GRIN2A: variants seen among roughly 807,000 people sequenced by gnomAD.
GRIN2A encodes glutamate receptor ionotropic, NMDA 2A.
GRIN2A carries 22 observed loss-of-function variants against 113.4 expected under a neutral mutation model. The observed-to-expected ratio is 0.19, with a 90% CI of 0.14 to 0.28. The LOEUF (loss-of-function observed/expected upper bound fraction) is 0.28. Ranked by LOEUF, GRIN2A falls within the 10% of genes least tolerant of loss-of-function variation. The pLI is 1.00. For synonymous variants in GRIN2A, 827 were observed against 738.4 expected (o/e 1.12, Z -1.94); for missense variants, 1,502 against 1,887.0 (o/e 0.80, Z 3.78).
chr16:10,173,568 C>T (rs1432144692), intron 2 of GRIN2A, among the ~76,000 whole-genome samples: 1 of 152,218 alleles, frequency 6.6e-6, no homozygotes, highest in Non-Finnish European at 1.5e-5. Context: ...CATCCGGAAG[C>T]TCCAACAAGC....
intron 2 of GRIN2A, among the ~76,000 whole-genome samples, chr16:10,046,223 C>G (rs1328526258): frequency 2.0e-5 from 3 of 152,030 alleles, no homozygotes; most frequent in Non-Finnish European, 4.4e-5. Flanking sequence ...TAAGAAGCTA[C>G]AAAACTGAAA....
At chr16:9,943,284 C>T (rs2044933625) in intron 2 of GRIN2A, 1 of 152,248 alleles carries the variant, frequency 6.6e-6, no homozygotes. Context: ...CTTCTCTCCC[C>T]ATGCTCACTG....
chr16:9,859,814 A>G (rs1022910336), intron 4 of GRIN2A, among the ~76,000 whole-genome samples: 3 of 152,064 alleles, frequency 2.0e-5, no homozygotes, highest in Admixed American at 6.5e-5. Flanking sequence ...TCAAATGCCA[A>G]TACTCCCATG....
chr16:10,127,494 G>A (rs2121941), intron 2 of GRIN2A, among the ~76,000 whole-genome samples: 83,325 of 152,056 alleles, frequency 0.55, 24,671 homozygotes, highest in Non-Finnish European at 0.66. Flanking sequence ...CGCCCTGGGA[G>A]GTCTTCACCA....
intron 5 of GRIN2A, among the ~76,000 whole-genome samples, chr16:9,842,666 G>C (rs2042701150): frequency 6.6e-6 from 1 of 152,240 alleles, no homozygotes; most frequent in Non-Finnish European, 1.5e-5. Flanking sequence ...GACAGGTGCA[G>C]TGGCTCATTC....
intron 9 of GRIN2A, among the ~76,000 whole-genome samples, chr16:9,823,739 T>C (rs531040924): frequency 6.6e-6 from 1 of 152,294 alleles, no homozygotes; most frequent in East Asian, 1.9e-4. Flanking sequence ...AGAGGCTATG[T>C]GATCTATTTA....
chr16:9,888,655 G>A (rs564395767), intron 4 of GRIN2A, among the ~76,000 whole-genome samples: 63 of 151,504 alleles, frequency 4.2e-4, no homozygotes, highest in African/African-American at 9.4e-4. Context: ...TTTATGCACC[G>A]TAGTCTAACT....
intron 3 of GRIN2A, among the ~76,000 whole-genome samples, chr16:9,934,834 G>A (rs1224395306): frequency 6.6e-6 from 1 of 151,920 alleles, no homozygotes; most frequent in East Asian, 1.9e-4. Context: ...GTGGGAGAGT[G>A]TGGGAAGGAG....
At chr16:9,920,417 C>A (rs998054667) in intron 3 of GRIN2A, among the ~76,000 whole-genome samples, 17 of 152,116 alleles carry the variant, frequency 1.1e-4, no homozygotes, top group Admixed American at 1.1e-3. Flanking sequence ...GAAATGCTCT[C>A]TTTTGAAAGA....
At chr16:9,798,903 G>A (rs149768975) in intron 10 of GRIN2A, among the ~76,000 whole-genome samples, 1 of 152,194 alleles carries the variant, frequency 6.6e-6, no homozygotes, top group African/African-American at 2.4e-5. Context: ...AGAAATACAT[G>A]TGCTGCTTAT....
intron 4 of GRIN2A, among the ~76,000 whole-genome samples, chr16:9,871,232 T>A (rs1280486525): frequency 2.6e-5 from 4 of 152,116 alleles, no homozygotes; most frequent in African/African-American, 7.2e-5. Context: ...ATTCACAAAT[T>A]ACAGCAAATA....
chr16:10,115,172 G>A (rs922302517), intron 2 of GRIN2A, among the ~76,000 whole-genome samples: 18 of 152,068 alleles, frequency 1.2e-4, no homozygotes, highest in African/African-American at 7.2e-5. Context: ...GTCTTAAGAC[G>A]GCTCTCCTTT....
At chr16:10,100,791 T>A (rs766089184) in intron 2 of GRIN2A, among the ~76,000 whole-genome samples, 1 of 152,186 alleles carries the variant, frequency 6.6e-6, no homozygotes, top group Non-Finnish European at 1.5e-5. Context: ...AGTAAATATT[T>A]GTGGAGAAAA....
intron 2 of GRIN2A, among the ~76,000 whole-genome samples, chr16:10,026,950 A>G (rs3905837): frequency 0.72 from 109,687 of 152,038 alleles, 41,111 homozygotes; most frequent in Non-Finnish European, 0.84. Context: ...CCCTCCCGTG[A>G]AGATGGCTCT....
At chr16:9,854,723 A>C (rs1596501032) in intron 4 of GRIN2A, among the ~76,000 whole-genome samples, 1 of 152,288 alleles carries the variant, frequency 6.6e-6, no homozygotes, top group Non-Finnish European at 1.5e-5. Context: ...TTAGATCAGC[A>C]TTCCTGACTC....
chr16:9,969,945 C>T (rs550177168), intron 2 of GRIN2A, among the ~76,000 whole-genome samples: 146 of 152,330 alleles, frequency 9.6e-4, no homozygotes, highest in Non-Finnish European at 1.5e-3. Flanking sequence ...CCATCTTAGA[C>T]CTACTGAATT....
chr16:9,866,932 A>T (rs940494902), intron 4 of GRIN2A, among the ~76,000 whole-genome samples: 11 of 152,172 alleles, frequency 7.2e-5, no homozygotes, highest in African/African-American at 2.7e-4. Context: ...ATGACTCTGA[A>T]TTCAGAAAAT....
At chr16:10,119,617 T>C (rs2048794828) in intron 2 of GRIN2A, among the ~76,000 whole-genome samples, 1 of 152,326 alleles carries the variant, frequency 6.6e-6, no homozygotes, top group East Asian at 1.9e-4. Context: ...GTGCAGGTTA[T>C]ATAGGTAAAC....
At chr16:9,951,929 T>A (rs760422552) in intron 2 of GRIN2A, among the ~76,000 whole-genome samples, 62 of 152,174 alleles carry the variant, frequency 4.1e-4, no homozygotes, top group South Asian at 1.7e-3. Context: ...CAGAAGGCAC[T>A]CCTTCCTCAG....
Sources: allele counts gnomAD v4.1 joint callset (sites outside exome capture counted in the v4.1 genomes callset), GRCh38; gene constraint gnomAD v4.1.1; transcripts MANE v1.5; gene names NCBI Gene and HGNC (gene_info 2026-07-23, HGNC 2026-07-21).